The following MYH14 variants were observed in gnomAD, a reference collection of about 807,000 sequenced individuals.
MYH14 encodes the protein myosin-14.
A neutral mutation model predicts 255.5 loss-of-function variants in MYH14; 123 were observed. The observed-to-expected ratio is 0.48, with a 90% confidence interval of 0.42 to 0.56. The LOEUF is 0.56. Among genes scored for constraint, MYH14 ranks in the 20% least tolerant of loss-of-function variants. The probability of loss-of-function intolerance (pLI) is 0.00; values close to 1 mark genes in which losing one functional copy is unlikely to be tolerated. For missense variants in MYH14, 2,423 were observed against 2,802.3 expected (o/e 0.86, Z 3.06); for synonymous variants, 1,095 against 1,161.2 (o/e 0.94, Z 1.16).
At chr19:50,224,128 T>A (rs761047679) in intron 5 of MYH14, 26 bp from the exon 6 acceptor site, 3 of 1,575,322 alleles carry the variant, frequency 1.9e-6, no homozygotes, top group Non-Finnish European at 2.6e-6. Context: ...TCCTGGTCCG[T>A]GTCTCGTGTC....
chr19:50,255,616 C>T (rs996386745), intron 17 of MYH14, among the ~76,000 whole-genome samples: 1 of 152,062 alleles, frequency 6.6e-6, no homozygotes, highest in Non-Finnish European at 1.5e-5. Flanking sequence ...TTATCAACAC[C>T]CCATTACACA....
At chr19:50,242,245 C>T (rs1027248411) in intron 10 of MYH14, among the ~76,000 whole-genome samples, 4 of 152,162 alleles carry the variant, frequency 2.6e-5, no homozygotes, top group East Asian at 1.9e-4. Flanking sequence ...ACAGCCTACT[C>T]GCCAAATCTA....
chr19:50,298,749 TAA>T (rs771671196), intron 39 of MYH14, among the ~76,000 whole-genome samples: 56 of 117,738 alleles, frequency 4.8e-4, no homozygotes, highest in African/African-American at 1.1e-3. Flanking sequence ...AGACTCCATC[TAA>T]AAAAAAAAAA....
At chr19:50,244,544 C>T (rs1033060851) in intron 11 of MYH14, among the ~76,000 whole-genome samples, 4 of 140,852 alleles carry the variant, frequency 2.8e-5, no homozygotes, top group South Asian at 2.2e-4. Context: ...AGTGCAGTGG[C>T]GTGATCTCAG....
At chr19:50,220,141 G>A (rs1049332761) in intron 3 of MYH14, among the ~76,000 whole-genome samples, 2 of 152,002 alleles carry the variant, frequency 1.3e-5, no homozygotes, top group East Asian at 1.9e-4. Flanking sequence ...GGTGCCGCTC[G>A]CCATTTCCGT....
intron 20 of MYH14, 50 bp downstream of exon 20, chr19:50,260,765 GCA>G (rs2034802230): frequency 1.5e-6 from 2 of 1,321,996 alleles, no homozygotes; most frequent in Non-Finnish European, 2.1e-6. Flanking sequence ...GTGTGTGCGT[GCA>G]TGAGTGTGCG....
chr19:50,296,783 C>T (rs144417453), intron 39 of MYH14, among the ~76,000 whole-genome samples: 101 of 152,320 alleles, frequency 6.6e-4, no homozygotes, highest in Middle Eastern at 3.4e-3. Flanking sequence ...AAGAGCCTCG[C>T]GCTGGCCCAA....
At chr19:50,222,913 G>A (rs2032907561) in intron 3 of MYH14, among the ~76,000 whole-genome samples, 170 bp from the exon 4 acceptor site, 1 of 152,166 alleles carries the variant, frequency 6.6e-6, no homozygotes, top group African/African-American at 2.4e-5. Flanking sequence ...CAGCGAGCAG[G>A]GGGCTGAGCT....
chr19:50,286,625 G>A lies in MYH14; in HGVS notation c.4683G>A (p.Glu1561=). 1.3e-6 allele frequency: 2 copies of A among 1,599,504 alleles called. No individual in the cohort carries two copies. Among genetic ancestry groups the A allele is most frequent in the Non-Finnish European group, 1.7e-6 (2 of 1,173,512 alleles). ...EEEQEAREEL[E]RQNRALRAEL... The stretch of plus-strand genomic sequence containing the variant: ...AGCAGGAGGCACGTGAGGAGCTGGA[G>A]CGGCAGAACCGGGCCCTGCGGGCTG... The change falls in exon 34 of 43, where the codon GAG becomes GAA. Residue 1561 remains glutamate, a synonymous_variant. Transcript: ENST00000642316.
chr19:50,257,441 C>A lies in MYH14; in HGVS notation c.2187C>A (p.Thr729=). 2 of 1,608,042 alleles carry A rather than the reference C, an allele frequency of 1.2e-6. No individual in the cohort carries two copies. The highest frequency in any genetic ancestry group is 1.7e-6 in the Non-Finnish European group (2 of 1,177,160). The change falls in exon 18 of 43, where the codon ACC becomes ACA. Residue 729 remains threonine, a synonymous_variant. Transcript: ENST00000642316. ...GCCTCATGGCCACACTCAGCAACAC[C>A]AACCCCAGTTTTGTCCGCTGCATTG... ...LSRLMATLSN[T]NPSFVRCIVP...
chr19:50,309,591 C>G (rs1260379173), intron 42 of MYH14, 49 bp from the exon 43 acceptor site: 3 of 1,334,490 alleles, frequency 2.2e-6, no homozygotes, highest in Non-Finnish European at 2.1e-6. Flanking sequence ...TTCTCCTCCC[C>G]TCCCCTCCCC....
intron 33 of MYH14, 79 bp from the exon 34 acceptor site, chr19:50,286,403 C>A: frequency 7.6e-7 from 1 of 1,317,940 alleles, no homozygotes; most frequent in Non-Finnish European, 1.0e-6. Context: ...CTGTTCCTGG[C>A]TGCTCCCTCT....
intron 11 of MYH14, among the ~76,000 whole-genome samples, chr19:50,244,956 G>C (rs899982497): frequency 6.6e-6 from 1 of 152,180 alleles, no homozygotes; most frequent in African/African-American, 2.4e-5. Flanking sequence ...AGCATTTGGC[G>C]TAGCTTCTCC....
At chr19:50,273,983 A>G (rs73070936) in intron 27 of MYH14, among the ~76,000 whole-genome samples, 24,499 of 151,882 alleles carry the variant, frequency 0.16, 2,157 homozygotes, top group South Asian at 0.31. Flanking sequence ...TCCCCTTTCT[A>G]GTCATGTGAC....
chr19:50,216,475 A>G (rs143233430), intron 2 of MYH14, among the ~76,000 whole-genome samples: 1 of 152,166 alleles, frequency 6.6e-6, no homozygotes, highest in East Asian at 1.9e-4. Context: ...GGATTGACAC[A>G]CACTTGTGAT....
chr19:50,269,873 ACTTCT>A (rs1402463034), intron 24 of MYH14, among the ~76,000 whole-genome samples: 1 of 152,068 alleles, frequency 6.6e-6, no homozygotes, highest in Admixed American at 6.6e-5. Flanking sequence ...GAGTAGGAGG[ACTTCT>A]GTTTAGGCCA....
intron 10 of MYH14, among the ~76,000 whole-genome samples, chr19:50,238,252 A>G (rs2033747208): frequency 6.6e-6 from 1 of 152,138 alleles, no homozygotes; most frequent in Non-Finnish European, 1.5e-5. Context: ...CCAGGTCCTC[A>G]GGGCATCAGA....
intron 10 of MYH14, among the ~76,000 whole-genome samples, chr19:50,234,714 G>C (rs566818828): frequency 6.6e-6 from 1 of 152,268 alleles, no homozygotes; most frequent in South Asian, 2.1e-4. Context: ...GGTCCTGCCT[G>C]GCCTCTTGTC....
In MYH14 at chr19:50,267,013, G is replaced by GGGGGCGGGGGC; in HGVS notation, c.2826+6_2826+16dup. ...CTCCAGGGCCGAGTGGCACAGGTGA[G>GGGGGCGGGGGC]GGGGCGGGGGCAGGGCGTGGGGGCG... On this transcript the variant is annotated splice_donor_region_variant and intron_variant, in intron 23 of 42. Coordinates refer to ENST00000642316, the MANE Select transcript of MYH14 (RefSeq NM_001145809.2). 1 of 1,554,084 alleles carries GGGGGCGGGGGC rather than the reference G, an allele frequency of 6.4e-7. No homozygotes were observed. Among genetic ancestry groups the GGGGGCGGGGGC allele is most frequent in the Non-Finnish European group, 8.7e-7 (1 of 1,149,834 alleles).
Sources: gnomAD v4.1 joint callset for allele counts (sites outside exome capture counted in the v4.1 genomes callset) on GRCh38, gnomAD v4.1.1 for gene constraint, MANE v1.5 for transcripts, NCBI Gene and HGNC (gene_info 2026-07-23, HGNC 2026-07-21) for gene names.